Variants in GRM5 observed in about 807,000 individuals in gnomAD.
GRM5 encodes the protein glutamate metabotropic receptor 5, also known as metabotropic glutamate receptor 5.
GRM5 carries 19 observed loss-of-function variants against 83.1 expected under a neutral mutation model. The observed-to-expected ratio is 0.23, with a 90% CI of 0.16 to 0.34. The LOEUF (loss-of-function observed/expected upper bound fraction) is 0.34, where lower values mean the gene tolerates loss of function less well. Ranked by LOEUF, GRM5 falls within the 10% of genes least tolerant of loss-of-function variation. The pLI is 1.00. For synonymous variants in GRM5, 675 were observed against 633.6 expected (o/e 1.07, Z -0.98); for missense variants, 1,160 against 1,588.3 (o/e 0.73, Z 4.58).
chr11:88,528,365 C>A (rs1941928181), intron 8 of GRM5, among the ~76,000 whole-genome samples: 1 of 151,964 alleles, frequency 6.6e-6, no homozygotes, highest in African/African-American at 2.4e-5. Context: ...TTATATTCAC[C>A]AGATATTTAA....
chr11:88,950,619 C>CA (rs1278874602), intron 2 of GRM5, among the ~76,000 whole-genome samples: 3 of 151,866 alleles, frequency 2.0e-5, no homozygotes, highest in Non-Finnish European at 4.4e-5. Context: ...ATTAGAATGG[C>CA]AAAAAGAAGT....
chr11:88,622,045 T>A (rs1165773825), intron 4 of GRM5, among the ~76,000 whole-genome samples: 1 of 152,220 alleles, frequency 6.6e-6, no homozygotes, highest in African/African-American at 2.4e-5. Context: ...ATTGTACCAA[T>A]GGTGCAAATT....
intron 3 of GRM5, among the ~76,000 whole-genome samples, chr11:88,803,489 A>G (rs1943439669): frequency 6.6e-6 from 1 of 152,088 alleles, no homozygotes; most frequent in African/African-American, 2.4e-5. Context: ...CCATATGTAG[A>G]AAGCTGAAAC....
chr11:89,007,381 A>G (rs530553759), intron 2 of GRM5, among the ~76,000 whole-genome samples: 1 of 152,332 alleles, frequency 6.6e-6, no homozygotes, highest in African/African-American at 2.4e-5. Context: ...GTATGTGTTC[A>G]GGGGCATCTT....
chr11:89,002,742 T>G (rs1266403279), intron 2 of GRM5, among the ~76,000 whole-genome samples: 2 of 152,104 alleles, frequency 1.3e-5, no homozygotes, highest in East Asian at 3.9e-4. Flanking sequence ...ACCTCATCCT[T>G]CCGTTCAAAA....
chr11:88,800,929 G>T (rs879663474), intron 3 of GRM5, among the ~76,000 whole-genome samples: 1 of 152,086 alleles, frequency 6.6e-6, no homozygotes, highest in Non-Finnish European at 1.5e-5. Context: ...TTTAAACAGG[G>T]TCTAGCTTTT....
At chr11:88,960,545 A>C (rs1229057864) in intron 2 of GRM5, among the ~76,000 whole-genome samples, 1 of 152,214 alleles carries the variant, frequency 6.6e-6, no homozygotes, top group African/African-American at 2.4e-5. Context: ...AACAGACCTA[A>C]TATCTGATTT....
At chr11:88,851,606 T>C (rs1426174320) in intron 2 of GRM5, among the ~76,000 whole-genome samples, 1 of 152,220 alleles carries the variant, frequency 6.6e-6, no homozygotes, top group Non-Finnish European at 1.5e-5. Context: ...ATACAGATAG[T>C]AGGTGTCAGG....
chr11:88,882,828 TGGGAAG>T, intron 2 of GRM5, among the ~76,000 whole-genome samples: 1 of 152,268 alleles, frequency 6.6e-6, no homozygotes, highest in Non-Finnish European at 1.5e-5. Context: ...CCACGTGTCA[TGGGAAG>T]GACCCAGTGG....
chr11:88,754,479 T>C (rs1456396714), intron 3 of GRM5, among the ~76,000 whole-genome samples: 3 of 152,096 alleles, frequency 2.0e-5, no homozygotes, highest in Admixed American at 6.6e-5. Flanking sequence ...TGTAGGTATA[T>C]TGACTCTATC....
rs1943604300 is a variant in GRM5, at chr11:88,812,458, C to T, written c.911+37448G>A. The stretch of plus-strand genomic sequence containing the variant: ...AGACCTGGAAATGTTAAATTATTTG[C>T]TTAGGATTGCCCAAGAAATGGAAGA... On this transcript the variant is annotated intron_variant, in intron 3 of 9. Transcript: ENST00000305447. Among the ~76,000 whole-genome samples the T allele has an allele frequency of 2.0e-5, 3 of 152,074 alleles. No individual in the cohort carries two copies. The South Asian group carries it at 6.2e-4, about 31-fold the overall frequency.
At chr11:88,628,258 C>A (rs1199816227) in intron 4 of GRM5, among the ~76,000 whole-genome samples, 2 of 152,102 alleles carry the variant, frequency 1.3e-5, no homozygotes, top group Admixed American at 1.3e-4. Context: ...TGAAGGTATT[C>A]CCAGATAAAT....
In GRM5 at chr11:89,042,105, C is replaced by T. The variant is rs1290291504; in HGVS notation, c.661+5107G>A. Among the ~76,000 whole-genome samples the T allele has an allele frequency of 2.0e-5, 3 of 152,216 alleles. No individual in the cohort carries two copies. The East Asian group carries it at 5.8e-4, about 29-fold the overall frequency. On this transcript the variant is annotated intron_variant, in intron 2 of 9. Coordinates refer to ENST00000305447, the MANE Select transcript of GRM5 (RefSeq NM_001143831.3). The stretch of plus-strand genomic sequence containing the variant: ...TGTCACCCAGGCTGGAGTGCAATGG[C>T]ATGATCTTGGCTCACTGCAACCTCC...
chr11:88,601,340 T>G (rs183079413), intron 5 of GRM5, among the ~76,000 whole-genome samples: 1 of 152,306 alleles, frequency 6.6e-6, no homozygotes, highest in East Asian at 1.9e-4. Flanking sequence ...CATCTGTTTG[T>G]GCTCCTCTGT....
chr11:88,792,714 G>A (rs1005046970), intron 3 of GRM5, among the ~76,000 whole-genome samples: 3 of 152,060 alleles, frequency 2.0e-5, no homozygotes, highest in Admixed American at 6.6e-5. Flanking sequence ...TTGGGAAGGG[G>A]TATGAAAACT....
intron 1 of GRM5, among the ~76,000 whole-genome samples, chr11:89,055,742 T>C (rs565517110): frequency 6.6e-6 from 1 of 152,164 alleles, no homozygotes; most frequent in African/African-American, 2.4e-5. Flanking sequence ...TTTCTTTGTA[T>C]AATATAAATA....
At chr11:88,628,525 A>G (rs1288748939) in intron 4 of GRM5, among the ~76,000 whole-genome samples, 1 of 152,218 alleles carries the variant, frequency 6.6e-6, no homozygotes, top group East Asian at 1.9e-4. Context: ...AATGTTTTCC[A>G]AGCAACAGCT....
chr11:88,966,496 A>G (rs1458359659), intron 2 of GRM5, among the ~76,000 whole-genome samples: 2 of 152,180 alleles, frequency 1.3e-5, no homozygotes, highest in African/African-American at 4.8e-5. Flanking sequence ...TCAGGAATTG[A>G]ATAAGGGACA....
chr11:88,981,180 T>C (rs1939508723), intron 2 of GRM5, among the ~76,000 whole-genome samples: 1 of 152,224 alleles, frequency 6.6e-6, no homozygotes, highest in Non-Finnish European at 1.5e-5. Context: ...CATCAATATA[T>C]GCACGTGTTT....
Sources: allele counts gnomAD v4.1 joint callset (sites outside exome capture counted in the v4.1 genomes callset), GRCh38; gene constraint gnomAD v4.1.1; transcripts MANE v1.5; gene names NCBI Gene and HGNC (gene_info 2026-07-23, HGNC 2026-07-21).